CELSR3: variants seen among roughly 807,000 people sequenced by gnomAD.
CELSR3 encodes EGF-like protein 1.
A neutral mutation model predicts 270.0 loss-of-function variants in CELSR3; 73 were observed. That is an observed-to-expected ratio of 0.27 (90% CI 0.22 to 0.33). The LOEUF is 0.33. Ranked by LOEUF, CELSR3 falls within the 10% of genes least tolerant of loss-of-function variation. The probability of loss-of-function intolerance (pLI) is 1.00; values close to 1 mark genes in which losing one functional copy is unlikely to be tolerated. For missense variants in CELSR3, 3,614 were observed against 4,533.8 expected, an observed-to-expected ratio of 0.80 and a Z score of 5.83; for synonymous variants, 1,780 against 1,905.4, an observed-to-expected ratio of 0.93 and a Z score of 1.71.
rs116282258 is a variant in CELSR3 at position 48,660,304 on chromosome 3, G to A, written c.2331C>T (p.Ser777=). ...TGGCATCACGGTCTACTGCGGTCAC[G>A]CTGACCACACTGGTGCCCACAGCTG... ...EDAAVGTSVV[S]VTAVDRDANS... Residue 777 remains serine (S), a synonymous_variant, in exon 1 of 35, where the codon AGC becomes AGT. Transcript: ENST00000164024. The surrounding 1 kb of genome is among the most constrained non-coding windows in gnomAD (Gnocchi z 5.5). 676 of 1,614,104 alleles carry A rather than the reference G, an allele frequency of 4.2e-4. 4 individuals are homozygous for A. The African/African-American group carries it at 8.3e-3, about 20-fold the overall frequency.
At position 48,661,467 on chromosome 3, in the gene CELSR3, C is replaced by T. The variant is rs1413901874; in HGVS notation, c.1168G>A (p.Ala390Thr). Residue 390 changes from alanine to threonine, a missense_variant, in exon 1 of 35, where the codon GCT becomes ACT. This residue lies in a region of CELSR3 where 354 missense variants were observed against 500.9 expected (regional missense o/e 0.71). Transcript: ENST00000164024. ...PQSGLIRTAA[A>T]LDRESMERHY... is the part of the protein sequence containing the mutation. ...CGCTCCATGCTCTCGCGGTCCAGAG[C>T]TGCCGCCGTACGGATAAGGCCGCTC... The T allele has an allele frequency of 6.2e-7, 1 of 1,608,132 alleles. No individual in the cohort carries two copies. Among genetic ancestry groups the T allele is most frequent in the East Asian group, 2.2e-5 (1 of 44,792 alleles).
chr3:48,641,503 A>C lies in CELSR3; in HGVS notation c.8846T>G (p.Leu2949Arg). 6.2e-7 allele frequency: 1 copy of C among 1,612,198 alleles called. No homozygotes were observed. Among genetic ancestry groups the C allele is most frequent in the South Asian group, 1.1e-5 (1 of 91,062 alleles). Residue 2949 changes from leucine to arginine, a missense_variant, in exon 33 of 35, where the codon CTG becomes CGG. Leu to Arg is a moderately radical substitution (Grantham distance 102). Coordinates refer to ENST00000164024, the MANE Select transcript of CELSR3 (RefSeq NM_001407.3). This position sits in a 1 kb window ranked among gnomAD's most constrained non-coding sequence, Gnocchi z 4.8. ...HPKDVDGNDL[L>R]SYWPALGECE... ...CTCCCCCAGGGCTGGCCAGTAGGAC[A>C]GGAGGTCATTGCCATCCACATCTGT...
chr3:48,653,586 C>A lies in CELSR3; in HGVS notation c.5448+33G>T. On this transcript the variant is annotated intron_variant, in intron 9 of 34. Transcript: ENST00000164024. This position sits in a 1 kb window ranked among gnomAD's most constrained non-coding sequence, Gnocchi z 6.5. Reference sequence around the variant, plus strand: ...CAGTGGCGGCCTAAGAGACTGAGAACTGAGGGTATAGGGGTGAGCAGGGTG... The same window carrying A: ...CAGTGGCGGCCTAAGAGACTGAGAAATGAGGGTATAGGGGTGAGCAGGGTG... 1 of 1,599,070 alleles carries A rather than the reference C, an allele frequency of 6.3e-7. No individual in the cohort carries two copies. The highest frequency in any genetic ancestry group is 8.6e-7 in the Non-Finnish European group (1 of 1,169,134).
Position 48,645,814 on chromosome 3 carries a change from A to T in CELSR3, c.7518T>A (p.Asn2506Lys). 6.2e-7 allele frequency: 1 copy of T among 1,611,556 alleles called. No homozygotes were observed. Among genetic ancestry groups the T allele is most frequent in the Non-Finnish European group, 8.5e-7 (1 of 1,179,442 alleles). ...TGCAGCGACACCGTGCGTGGGACCC[A>T]TTCCTGTGCACCAGCTCGCAGTCCC... ...TARDCELVHR[N>K]GSHARCRCSR... is the part of the protein sequence containing the mutation. The change falls in exon 23 of 35, where the codon AAT (asparagine) becomes AAA (lysine). Residue 2506 changes from asparagine (N) to lysine (K), a missense_variant. By Grantham distance (94) the Asn-to-Lys change is moderately conservative (BLOSUM62 0). Around this residue, in one of 7 missense-constraint regions of CELSR3, gnomAD observed 1,240 missense variants for 1,351.7 expected, o/e 0.92. Transcript: ENST00000164024. This position sits in a 1 kb window ranked among gnomAD's most constrained non-coding sequence, Gnocchi z 5.4.
Position 48,641,957 on chromosome 3 carries a change from G to A in CELSR3, c.8718C>T (p.Leu2906=). Residue 2906 remains leucine, a synonymous_variant, in exon 32 of 35, where the codon CTC becomes CTT. Transcript: ENST00000164024. The surrounding 1 kb of genome is among the most constrained non-coding windows in gnomAD (Gnocchi z 4.8). ...CCTCGCTTTCTGAAGATGGAATGGAGAGACTCCTCTCCTCCTCCAAGGACA... is the reference window on the plus strand; with the variant it reads ...CCTCGCTTTCTGAAGATGGAATGGAAAGACTCCTCTCCTCCTCCAAGGACA... ...SDLSLEEERS[L]SIPSSESEDN... is the part of the protein sequence containing the mutation. 1 of 1,596,462 alleles carries A rather than the reference G, an allele frequency of 6.3e-7. No individual in the cohort carries two copies. Among genetic ancestry groups the A allele is most frequent in the Non-Finnish European group, 8.5e-7 (1 of 1,174,046 alleles).
chr3:48,645,173 A>G lies in CELSR3; in HGVS notation c.7834T>C (p.Phe2612Leu). Residue 2612 changes from phenylalanine to leucine, a missense_variant, in exon 25 of 35, where the codon TTC (phenylalanine) becomes CTC (leucine). Transcript: ENST00000164024. This position sits in a 1 kb window ranked among gnomAD's most constrained non-coding sequence, Gnocchi z 5.4. ...AGCCACGCGAAGGTGCTGAGGAAGA[A>G]GTAGTGCAGGAGGATGGCGACTGCA... ...CTAVAILLHY[F>L]FLSTFAWLFV... is the part of the protein sequence containing the mutation. 6.3e-7 allele frequency: 1 copy of G among 1,591,756 alleles called. No individual in the cohort carries two copies. The highest frequency in any genetic ancestry group is 1.7e-4 in the Middle Eastern group (1 of 6,008).
Position 48,643,623 on chromosome 3 carries a change from A to G in CELSR3, c.8220T>C (p.Phe2740=), listed in dbSNP as rs753824512. ...TGCTGTGGTTGACTGCCAGGAGCCC[A>G]AAGAGCCAGGAGGCACTGACCAGCA... is the stretch of plus-strand genomic sequence containing the variant. ...LLLLVSASWL[F]GLLAVNHSIL... Residue 2740 remains phenylalanine (F), a synonymous_variant, in exon 28 of 35, where the codon TTT becomes TTC. Transcript: ENST00000164024. The G allele has an allele frequency of 1.3e-6, 2 of 1,551,382 alleles. No homozygotes were observed. Among genetic ancestry groups the G allele is most frequent in the Non-Finnish European group, 1.7e-6 (2 of 1,147,134 alleles).
At position 48,657,338 on chromosome 3, in the gene CELSR3, G is replaced by A. The variant is rs1259919214; in HGVS notation, c.3759C>T (p.His1253=). The A allele has an allele frequency of 3.1e-6, 5 of 1,596,946 alleles. No homozygotes were observed. Among genetic ancestry groups the A allele is most frequent in the Non-Finnish European group, 4.3e-6 (5 of 1,171,102 alleles). Residue 1253 remains histidine (H), a synonymous_variant, in exon 2 of 35, where the codon CAC becomes CAT. Coordinates refer to ENST00000164024, the MANE Select transcript of CELSR3 (RefSeq NM_001407.3). The surrounding 1 kb of genome is among the most constrained non-coding windows in gnomAD (Gnocchi z 5.4). ...SMLVTVTDGL[H]SVTAQCVLRV... ...GCAGCACACACTGCGCCGTCACGCT[G>A]TGCAGGCCATCTGCAGGCGGGGGCA...
Position 48,661,869 on chromosome 3 carries a change from G to A in CELSR3, c.766C>T (p.Pro256Ser). The change falls in exon 1 of 35, where the codon CCT becomes TCT. Residue 256 changes from proline (P) to serine (S), a missense_variant. Pro to Ser is a moderately conservative substitution (Grantham distance 74). Coordinates refer to ENST00000164024, the MANE Select transcript of CELSR3 (RefSeq NM_001407.3). The part of the protein sequence containing the change: ...DSAPRTARTA[P>S]ASGSAPRESR... ...TCGCGGGGTGCTGAACCTGATGCAG[G>A]AGCTGTCCTCGCCGTGCGTGGTGCT... 1 of 1,611,142 alleles carries A rather than the reference G, an allele frequency of 6.2e-7. No homozygotes were observed. Among genetic ancestry groups the A allele is most frequent in the Non-Finnish European group, 8.5e-7 (1 of 1,179,670 alleles).
Position 48,659,629 on chromosome 3 carries a change from A to G in CELSR3, c.3006T>C (p.Asn1002=), listed in dbSNP as rs1294630678. 1 of 1,614,176 alleles carries G rather than the reference A, an allele frequency of 6.2e-7. No individual in the cohort carries two copies. Among genetic ancestry groups the G allele is most frequent in the Middle Eastern group, 1.6e-4 (1 of 6,062 alleles). ...ANGRVQYTFQ[N]GEDGDGDFTI... ...TAAAATCTCCATCCCCATCTTCACC[A>G]TTCTGGAAAGTGTACTGGACCCGGC... Residue 1002 remains asparagine, a synonymous_variant, in exon 1 of 35, where the codon AAT becomes AAC. Coordinates refer to ENST00000164024, the MANE Select transcript of CELSR3 (RefSeq NM_001407.3). This position sits in a 1 kb window ranked among gnomAD's most constrained non-coding sequence, Gnocchi z 8.1.
Position 48,637,840 on chromosome 3 carries a change from G to A in CELSR3, c.*365C>T, listed in dbSNP as rs1364112366. 3.7e-6 allele frequency: 1 copy of A among 271,816 alleles called. No homozygotes were observed. Among genetic ancestry groups the A allele is most frequent in the African/African-American group, 2.1e-5 (1 of 46,812 alleles). 16.8% of individuals were successfully genotyped at this position (271,816 alleles called of 1,614,324 possible). On this transcript the variant is annotated 3_prime_UTR_variant, in exon 35 of 35. Transcript: ENST00000164024. The stretch of plus-strand genomic sequence containing the variant: ...CACCCCAGGAAGGAGAGAGAGATGA[G>A]CATAGGGTTTGCTCAGGACCCAAAT...
At chr3:48,643,751 GAC>G (rs1559476353) in intron 27 of CELSR3, 74 bp from the exon 28 acceptor site, 2 of 1,500,660 alleles carry the variant, frequency 1.3e-6, no homozygotes, top group East Asian at 5.0e-5. Flanking sequence ...AACACGGGAG[GAC>G]ACACAGGGGC....
chr3:48,642,619 GCCC>G lies in CELSR3; in HGVS notation c.8555+114_8555+116del. 6.8e-7 allele frequency: 1 copy of G among 1,467,728 alleles called. No individual in the cohort carries two copies. The highest frequency in any genetic ancestry group is 9.2e-7 in the Non-Finnish European group (1 of 1,091,324). 90.9% of individuals were successfully genotyped at this position (1,467,728 alleles called of 1,614,324 possible). ...CATTTAGGGCAGAGGCAGAAGCAGG[GCCC>G]CAGATGGCCAAGATGGGTGGAGCCA... On this transcript the variant is annotated intron_variant, in intron 30 of 34. Transcript: ENST00000164024. The surrounding 1 kb of genome is among the most constrained non-coding windows in gnomAD (Gnocchi z 6.1).
intron 34 of CELSR3, 124 bp from the exon 35 acceptor site, chr3:48,638,356 G>A (rs1575536414): frequency 1.4e-6 from 1 of 721,134 alleles, no homozygotes. Context: ...TCGCCTCTTA[G>A]CCCCCAGCCC....
chr3:48,653,477 C>A lies in CELSR3; in HGVS notation c.5448+142G>T. On this transcript the variant is annotated intron_variant, in intron 9 of 34. Coordinates refer to ENST00000164024, the MANE Select transcript of CELSR3 (RefSeq NM_001407.3). This position sits in a 1 kb window ranked among gnomAD's most constrained non-coding sequence, Gnocchi z 6.5. The stretch of plus-strand genomic sequence containing the variant: ...ATAATGATGGAAAGAGAATCAAGGG[C>A]TAGGGTCCAGAGCAGGGTCAAGTGT... 2.0e-6 allele frequency: 2 copies of A among 978,294 alleles called. No homozygotes were observed. The highest frequency in any genetic ancestry group is 2.4e-5 in the East Asian group (1 of 41,418). 60.6% of individuals were successfully genotyped at this position (978,294 alleles called of 1,614,324 possible).
rs1239659891 is a variant in CELSR3, at chr3:48,660,595, A to G, written c.2040T>C (p.His680=). ...VIHIQAVDAD[H]GENARLEYSL... is the part of the protein sequence containing the mutation. ...AGTACTCCAATCTGGCATTCTCCCC[A>G]TGGTCTGCATCGACTGCCTGAATGT... Residue 680 remains histidine, a synonymous_variant, in exon 1 of 35, where the codon CAT becomes CAC. Coordinates refer to ENST00000164024, the MANE Select transcript of CELSR3 (RefSeq NM_001407.3). This position sits in a 1 kb window ranked among gnomAD's most constrained non-coding sequence, Gnocchi z 5.5. 6.2e-7 allele frequency: 1 copy of G among 1,614,222 alleles called. No homozygotes were observed. The highest frequency in any genetic ancestry group is 1.7e-5 in the Admixed American group (1 of 60,032).
Position 48,655,934 on chromosome 3 carries a change from AGGGGCT to A in CELSR3, c.4626-89_4626-84del. On this transcript the variant is annotated intron_variant, in intron 3 of 34. Transcript: ENST00000164024. The surrounding 1 kb of genome is among the most constrained non-coding windows in gnomAD (Gnocchi z 5.8). ...CACACCCACCATCCCTGCGAGGAGAAGGGGCTGGGGCGAGAGAGGAAGCGACGAGGG... is the reference window on the plus strand; with the variant it reads ...CACACCCACCATCCCTGCGAGGAGAAGGGGCGAGAGAGGAAGCGACGAGGG... 2 of 1,242,794 alleles carry A rather than the reference AGGGGCT, an allele frequency of 1.6e-6. No homozygotes were observed. The highest frequency in any genetic ancestry group is 2.3e-6 in the Non-Finnish European group (2 of 872,010). 77.0% of individuals were successfully genotyped at this position (1,242,794 alleles called of 1,614,324 possible). A position where few individuals can be genotyped will look rare whatever the true frequency, so the allele number is the denominator to read the frequency against.
rs533619177 is a variant in CELSR3 at position 48,649,850 on chromosome 3, C to G, written c.6472+630G>C. Among the ~76,000 whole-genome samples, 13 of 152,278 alleles carry G rather than the reference C, an allele frequency of 8.5e-5. No individual in the cohort carries two copies. The South Asian group carries it at 1.7e-3, about 19-fold the overall frequency. On this transcript the variant is annotated intron_variant, in intron 16 of 34. Transcript: ENST00000164024. ...AGGTTCACAGACACGTGCACAGGCACAGAGATACACACGTGAGCATGCGTA... is the reference window on the plus strand; with the variant it reads ...AGGTTCACAGACACGTGCACAGGCAGAGAGATACACACGTGAGCATGCGTA...
chr3:48,654,056 G>A lies in CELSR3; in HGVS notation c.5153-53C>T, dbSNP rs1052285588. ...TGAGAACAAGGGTTGGGGGGCACAA[G>A]TGCTGGACAGGACTTTAGTGTCCAG... is the stretch of plus-strand genomic sequence containing the variant. On this transcript the variant is annotated intron_variant, in intron 7 of 34. Coordinates refer to ENST00000164024, the MANE Select transcript of CELSR3 (RefSeq NM_001407.3). The surrounding 1 kb of genome is among the most constrained non-coding windows in gnomAD (Gnocchi z 5.4). 1.3e-6 allele frequency: 2 copies of A among 1,597,462 alleles called. No individual in the cohort carries two copies. The highest frequency in any genetic ancestry group is 2.7e-5 in the African/African-American group (2 of 74,642).
Sources: allele counts gnomAD v4.1 joint callset (sites outside exome capture counted in the v4.1 genomes callset), GRCh38; gene constraint gnomAD v4.1.1; regional missense constraint gnomAD v4.1.1; non-coding constraint Gnocchi (gnomAD v3.1); transcripts MANE v1.5; gene names NCBI Gene and HGNC (gene_info 2026-07-23, HGNC 2026-07-21).